The following PLXDC2 variants were observed in gnomAD, a reference collection of about 807,000 sequenced individuals.
PLXDC2 encodes plexin domain-containing protein 2.
Under a neutral mutation model 68.9 loss-of-function variants are expected in PLXDC2, and 40 were observed. That is an observed-to-expected ratio of 0.58 (90% CI 0.45 to 0.76). The LOEUF is 0.76. PLXDC2 is among the 30% of genes least tolerant of loss of function. The pLI, the probability that PLXDC2 is intolerant of heterozygous loss-of-function variation, is 0.00. For missense variants in PLXDC2, 644 were observed against 661.9 expected (o/e 0.97, Z 0.30); for synonymous variants, 243 against 234.2 (o/e 1.04, Z -0.34).
chr10:20,093,583 AT>A (rs757982728), intron 4 of PLXDC2, among the ~76,000 whole-genome samples: 12 of 151,884 alleles, frequency 7.9e-5, no homozygotes, highest in Admixed American at 5.2e-4. Flanking sequence ...AAAGAACAAT[AT>A]TTTTTTTTCC....
chr10:19,973,711 G>T (rs575222326), intron 1 of PLXDC2, among the ~76,000 whole-genome samples: 1 of 152,286 alleles, frequency 6.6e-6, no homozygotes, highest in African/African-American at 2.4e-5. Context: ...GAGAGGAAGT[G>T]GTTGGGGAAT....
At position 20,147,896 on chromosome 10, in the gene PLXDC2, C is replaced by G; in HGVS notation, c.777C>G (p.Tyr259Ter). The part of the protein sequence containing the change: ...LLMDGRIIFG[Y>*]KEIPVLVTQI... ...TGGATGGACGAATCATCTTTGGATA[C>G]AAAGAAGTAAGTGATGCGTTGATAA... The change falls in exon 6 of 14, where the codon TAC becomes TAG. Residue 259 changes from tyrosine (Y) to a stop codon, truncating the protein, a stop_gained. Coordinates refer to ENST00000377252, the MANE Select transcript of PLXDC2 (RefSeq NM_032812.9). LOFTEE classifies it high-confidence loss of function. 6.3e-7 allele frequency: 1 copy of G among 1,595,398 alleles called. No individual in the cohort carries two copies.
At chr10:20,197,289 T>C (rs1304840190) in intron 9 of PLXDC2, among the ~76,000 whole-genome samples, 1 of 152,172 alleles carries the variant, frequency 6.6e-6, no homozygotes, top group Non-Finnish European at 1.5e-5. Flanking sequence ...GCAATCATAG[T>C]CTTCCTTCAA....
chr10:20,082,484 A>G (rs1836585962), intron 4 of PLXDC2, among the ~76,000 whole-genome samples: 1 of 142,902 alleles, frequency 7.0e-6, no homozygotes, highest in African/African-American at 2.8e-5. Context: ...ATAATACATA[A>G]TATCACTCCT....
chr10:19,994,367 C>A (rs1273693547), intron 1 of PLXDC2, among the ~76,000 whole-genome samples: 3 of 105,970 alleles, frequency 2.8e-5, no homozygotes, highest in Admixed American at 1.4e-4. Flanking sequence ...GTCACCCAGG[C>A]TGGAAGGCTA....
intron 1 of PLXDC2, among the ~76,000 whole-genome samples, chr10:19,875,317 C>G (rs977596993): frequency 3.3e-5 from 5 of 152,046 alleles, no homozygotes; most frequent in African/African-American, 1.2e-4. Context: ...GACTGTGTCA[C>G]AAAAAGTAGG....
chr10:19,857,519 A>C (rs533410274), intron 1 of PLXDC2, among the ~76,000 whole-genome samples: 6 of 152,362 alleles, frequency 3.9e-5, no homozygotes, highest in African/African-American at 1.4e-4. Flanking sequence ...AATTTAGAAG[A>C]TATCTAGAAA....
intron 1 of PLXDC2, among the ~76,000 whole-genome samples, chr10:19,938,903 G>T (rs974449285): frequency 6.6e-6 from 1 of 152,092 alleles, no homozygotes; most frequent in African/African-American, 2.4e-5. Context: ...TGTTGCAGTA[G>T]TCCAGAAAAA....
chr10:20,265,051 C>G (rs1179115335), intron 13 of PLXDC2, among the ~76,000 whole-genome samples: 1 of 152,112 alleles, frequency 6.6e-6, no homozygotes, highest in Non-Finnish European at 1.5e-5. Flanking sequence ...ATTAGACAAT[C>G]ATGAAGTTTT....
chr10:20,022,016 A>G (rs946175224), intron 2 of PLXDC2, among the ~76,000 whole-genome samples: 1 of 152,194 alleles, frequency 6.6e-6, no homozygotes, highest in African/African-American at 2.4e-5. Flanking sequence ...TTTTGTAGAC[A>G]TCTGCTTAAA....
chr10:19,978,014 C>G (rs1243241623), intron 1 of PLXDC2, among the ~76,000 whole-genome samples: 1 of 152,186 alleles, frequency 6.6e-6, no homozygotes, highest in Non-Finnish European at 1.5e-5. Context: ...GGTAGTCTAG[C>G]TGCTTCTTAA....
chr10:20,270,397 AAAGT>A (rs1309969548), intron 13 of PLXDC2, among the ~76,000 whole-genome samples: 2 of 152,178 alleles, frequency 1.3e-5, no homozygotes, highest in Non-Finnish European at 1.5e-5. Context: ...AGATTCCAAG[AAAGT>A]AAGCAATTTC....
At chr10:19,907,434 C>G (rs1310445054) in intron 1 of PLXDC2, among the ~76,000 whole-genome samples, 1 of 152,168 alleles carries the variant, frequency 6.6e-6, no homozygotes, top group African/African-American at 2.4e-5. Context: ...CACAGGAACA[C>G]AGCGAAGGAT....
intron 2 of PLXDC2, among the ~76,000 whole-genome samples, chr10:20,035,344 G>T (rs1835560193): frequency 6.6e-6 from 1 of 152,114 alleles, no homozygotes; most frequent in Non-Finnish European, 1.5e-5. Flanking sequence ...AAGGGCTAAA[G>T]AAAAGTTTCA....
intron 12 of PLXDC2, among the ~76,000 whole-genome samples, chr10:20,222,052 G>A (rs900127691): frequency 6.6e-6 from 1 of 152,098 alleles, no homozygotes; most frequent in Non-Finnish European, 1.5e-5. Flanking sequence ...ATCTCACATA[G>A]TTACTTTTTG....
chr10:20,117,705 C>T (rs1396311829), intron 4 of PLXDC2, among the ~76,000 whole-genome samples: 1 of 152,126 alleles, frequency 6.6e-6, no homozygotes, highest in Non-Finnish European at 1.5e-5. Flanking sequence ...GCTAGAAGGA[C>T]TTAGGGCTTC....
rs549365605 is a variant in PLXDC2, at chr10:19,885,278, G to A, written c.112+68087G>A. Among the ~76,000 whole-genome samples, 463 of 149,624 alleles carry A rather than the reference G, an allele frequency of 3.1e-3. 3 individuals are homozygous for A. The highest frequency in any genetic ancestry group is 7.0e-3 in the Middle Eastern group (2 of 284). ...GCCCTTTGTCAGATGAGTAGGTTGCGAAAATTTTCTCCCATTTTGTAGGTT... is the reference window on the plus strand; with the variant it reads ...GCCCTTTGTCAGATGAGTAGGTTGCAAAAATTTTCTCCCATTTTGTAGGTT... On this transcript the variant is annotated intron_variant, in intron 1 of 13. Transcript: ENST00000377252.
At chr10:19,940,738 T>C (rs559141648) in intron 1 of PLXDC2, among the ~76,000 whole-genome samples, 154 of 152,298 alleles carry the variant, frequency 1.0e-3, no homozygotes, top group African/African-American at 3.6e-3. Flanking sequence ...AAAGAATTTA[T>C]GAGACAGAGA....
intron 1 of PLXDC2, among the ~76,000 whole-genome samples, chr10:19,858,741 G>A (rs74119762): frequency 0.042 from 6,338 of 152,122 alleles, 460 homozygotes; most frequent in African/African-American, 0.14. Flanking sequence ...GCAGGAAGAC[G>A]GGAGGTAAAA....
Sources: gnomAD v4.1 joint callset for allele counts (sites outside exome capture counted in the v4.1 genomes callset) on GRCh38, gnomAD v4.1.1 for gene constraint, MANE v1.5 for transcripts, NCBI Gene and HGNC (gene_info 2026-07-23, HGNC 2026-07-21) for gene names.